EYS: variants seen among roughly 807,000 people sequenced by gnomAD.
The protein encoded by EYS is protein eyes shut homolog.
Under a neutral mutation model 282.1 loss-of-function variants are expected in EYS, and 250 were observed. That is an observed-to-expected ratio of 0.89 (90% CI 0.80 to 0.98). EYS has a LOEUF of 0.98. Ranked by LOEUF, EYS falls within the 50% of genes least tolerant of loss-of-function variation. The pLI, the probability that EYS is intolerant of heterozygous loss-of-function variation, is 0.00. For missense variants in EYS, 4,016 were observed against 3,709.0 expected (o/e 1.08, Z -2.15); for synonymous variants, 1,355 against 1,282.9 (o/e 1.06, Z -1.20).
chr6:65,207,484 T>C (rs1766065347), intron 12 of EYS, among the ~76,000 whole-genome samples: 2 of 151,784 alleles, frequency 1.3e-5, no homozygotes, highest in Non-Finnish European at 1.5e-5. Flanking sequence ...ATGCAATTCC[T>C]ATCAAGTAGC....
At chr6:63,940,805 G>A (rs1342303057) in intron 35 of EYS, among the ~76,000 whole-genome samples, 1 of 151,470 alleles carries the variant, frequency 6.6e-6, no homozygotes, top group Non-Finnish European at 1.5e-5. Context: ...TTTACATTAG[G>A]TATTTTTCTT....
intron 22 of EYS, among the ~76,000 whole-genome samples, chr6:64,704,173 G>A (rs1770892046): frequency 6.6e-6 from 1 of 151,512 alleles, no homozygotes; most frequent in East Asian, 1.9e-4. Context: ...AGTTAAATGT[G>A]TTTGCACTAA....
chr6:64,596,696 AC>A (rs1437175847), intron 24 of EYS, among the ~76,000 whole-genome samples: 4 of 152,222 alleles, frequency 2.6e-5, no homozygotes, highest in Non-Finnish European at 5.9e-5. Context: ...CTCACCATAT[AC>A]AAAAATCAAC....
intron 26 of EYS, among the ~76,000 whole-genome samples, chr6:64,468,477 A>G (rs1246615204): frequency 6.6e-6 from 1 of 152,188 alleles, no homozygotes; most frequent in Non-Finnish European, 1.5e-5. Flanking sequence ...TGACAACTCC[A>G]AAGTAACAAA....
intron 31 of EYS, among the ~76,000 whole-genome samples, chr6:64,198,319 A>C (rs115760728): frequency 6.6e-6 from 1 of 151,760 alleles, no homozygotes; most frequent in Non-Finnish European, 1.5e-5. Context: ...TAATTTTTTT[A>C]TTATTATACT....
intron 40 of EYS, among the ~76,000 whole-genome samples, chr6:63,770,496 A>C (rs895121640): frequency 5.9e-5 from 9 of 152,176 alleles, no homozygotes; most frequent in African/African-American, 2.2e-4. Flanking sequence ...CAAATGAATA[A>C]TATAATAAAC....
At chr6:64,510,761 T>C (rs570585948) in intron 26 of EYS, among the ~76,000 whole-genome samples, 2 of 152,302 alleles carry the variant, frequency 1.3e-5, no homozygotes, top group Admixed American at 6.5e-5. Flanking sequence ...TCCTTAGTCA[T>C]GTAGTTAGAG....
chr6:64,441,593 G>C (rs1213485269), intron 26 of EYS, among the ~76,000 whole-genome samples: 1 of 152,192 alleles, frequency 6.6e-6, no homozygotes, highest in Non-Finnish European at 1.5e-5. Context: ...GTTTGGCTCT[G>C]TGTCCCCACC....
At chr6:65,578,387 AG>A (rs1764750909) in intron 2 of EYS, among the ~76,000 whole-genome samples, 1 of 151,874 alleles carries the variant, frequency 6.6e-6, no homozygotes, top group African/African-American at 2.4e-5. Flanking sequence ...TCAAATTCGT[AG>A]AAAACTAGAA....
intron 11 of EYS, chr6:65,332,515 T>A: frequency 2.0e-6 from 2 of 1,011,970 alleles, no homozygotes; most frequent in Non-Finnish European, 3.0e-6. Context: ...GTATATACAA[T>A]TTTCTCATTT....
chr6:64,342,018 G>A (rs531768497), intron 29 of EYS, among the ~76,000 whole-genome samples: 1 of 151,680 alleles, frequency 6.6e-6, no homozygotes, highest in East Asian at 1.9e-4. Flanking sequence ...AGGGAAATGG[G>A]TGGAGGTCAC....
intron 12 of EYS, among the ~76,000 whole-genome samples, chr6:65,178,518 A>G (rs997375250): frequency 6.6e-6 from 1 of 152,038 alleles, no homozygotes; most frequent in African/African-American, 2.4e-5. Flanking sequence ...TAACTATCCT[A>G]AATATATATG....
chr6:64,191,078 C>G (rs1156675513), intron 31 of EYS, among the ~76,000 whole-genome samples: 2 of 151,986 alleles, frequency 1.3e-5, no homozygotes, highest in Non-Finnish European at 2.9e-5. Flanking sequence ...TACTGACTTA[C>G]AGGAATTAAA....
At chr6:65,329,940 T>C (rs1242154637) in intron 11 of EYS, 14 of 976,274 alleles carry the variant, frequency 1.4e-5, no homozygotes, top group Non-Finnish European at 1.7e-5. Flanking sequence ...CTGAAAATTA[T>C]GTTTTGGATA....
intron 31 of EYS, among the ~76,000 whole-genome samples, chr6:64,172,629 C>T (rs897946871): frequency 6.6e-6 from 1 of 152,186 alleles, no homozygotes; most frequent in African/African-American, 2.4e-5. Flanking sequence ...CACTCACCTA[C>T]TGCTTACCTC....
At chr6:64,171,264 T>C (rs1281836296) in intron 31 of EYS, among the ~76,000 whole-genome samples, 7 of 152,202 alleles carry the variant, frequency 4.6e-5, no homozygotes, top group African/African-American at 1.7e-4. Context: ...TACATCTATA[T>C]ACGGAAAGTA....
At chr6:65,465,967 TATCAATCAATCA>T (rs34867855) in intron 5 of EYS, among the ~76,000 whole-genome samples, 9 of 150,562 alleles carry the variant, frequency 6.0e-5, no homozygotes, top group Admixed American at 2.7e-4. Context: ...TAAGACCCTG[TATCAATCAATCA>T]ATCAATCAAT....
chr6:64,358,868 C>T (rs984646423), intron 29 of EYS, among the ~76,000 whole-genome samples: 1 of 151,652 alleles, frequency 6.6e-6, no homozygotes, highest in Non-Finnish European at 1.5e-5. Context: ...GAAGTTGCTA[C>T]GATCAGTGGC....
intron 30 of EYS, among the ~76,000 whole-genome samples, chr6:64,263,089 C>T (rs1185489850): frequency 6.6e-6 from 1 of 151,814 alleles, no homozygotes; most frequent in Non-Finnish European, 1.5e-5. Flanking sequence ...ATAGTAAACG[C>T]TAGTGCAAAT....
Sources: gnomAD v4.1 joint callset for allele counts (sites outside exome capture counted in the v4.1 genomes callset) on GRCh38, gnomAD v4.1.1 for gene constraint, MANE v1.5 for transcripts, NCBI Gene and HGNC (gene_info 2026-07-23, HGNC 2026-07-21) for gene names.